Variants in TRAPPC9 observed in about 807,000 individuals in gnomAD.
TRAPPC9 encodes the protein trafficking protein particle complex subunit 9.
Under a neutral mutation model 124.0 loss-of-function variants are expected in TRAPPC9, and 83 were observed. The observed-to-expected ratio is 0.67, with a 90% confidence interval of 0.56 to 0.80. TRAPPC9 has a LOEUF of 0.80. Among genes scored for constraint, TRAPPC9 ranks in the 30% least tolerant of loss-of-function variants. The probability of loss-of-function intolerance (pLI) is 0.00; values close to 1 mark genes in which losing one functional copy is unlikely to be tolerated. For synonymous variants in TRAPPC9, 638 were observed against 617.5 expected (o/e 1.03, Z -0.49); for missense variants, 1,302 against 1,508.3 (o/e 0.86, Z 2.27).
chr8:140,431,904 C>A (rs1461100612), intron 4 of TRAPPC9, among the ~76,000 whole-genome samples: 1 of 152,230 alleles, frequency 6.6e-6, no homozygotes, highest in African/African-American at 2.4e-5. Flanking sequence ...TTTTATAAAT[C>A]ATGGCTGACT....
At chr8:140,370,000 C>G (rs2068231140) in intron 8 of TRAPPC9, among the ~76,000 whole-genome samples, 1 of 151,922 alleles carries the variant, frequency 6.6e-6, no homozygotes, top group Non-Finnish European at 1.5e-5. Context: ...CCATTTTTGC[C>G]CTGGTGGGAA....
intron 21 of TRAPPC9, among the ~76,000 whole-genome samples, chr8:139,754,580 C>T (rs2130254129): frequency 6.6e-6 from 1 of 152,308 alleles, no homozygotes; most frequent in Middle Eastern, 3.4e-3. Context: ...CCTCACCTCA[C>T]CCAAACTCGG....
rs146282846 is a variant in TRAPPC9, at chr8:139,825,223, C to T, written c.3055+60656G>A. Among the ~76,000 whole-genome samples the T allele has an allele frequency of 0.011, 1,667 of 152,282 alleles. 34 individuals carry two copies. The highest frequency in any genetic ancestry group is 0.038 in the African/African-American group (1,567 of 41,550). ...AGCTAGAGCCCAACAGGGCAGCCCA[C>T]GCAGGGTGGGCAGAGAAACGGCTCC... On this transcript the variant is annotated intron_variant, in intron 21 of 22. Coordinates refer to ENST00000438773, the MANE Select transcript of TRAPPC9 (RefSeq NM_001160372.4). This position sits in a 1 kb window ranked among gnomAD's most constrained non-coding sequence, Gnocchi z 4.6.
intron 8 of TRAPPC9, among the ~76,000 whole-genome samples, chr8:140,369,272 G>T (rs561208885): frequency 6.6e-6 from 1 of 152,298 alleles, no homozygotes; most frequent in African/African-American, 2.4e-5. Flanking sequence ...CCACAGACAC[G>T]TAAGTTAGAA....
At position 139,910,290 on chromosome 8, in the gene TRAPPC9, G is replaced by C; in HGVS notation, c.2821C>G (p.Gln941Glu). ...HAGECQRMAI[Q>E]VDKFNFESFP... ...CTCTCAAAGTTGAACTTGTCCACTTGAATAGCCATTCTACGAGAAAGGGGA... is the reference window on the plus strand; with the variant it reads ...CTCTCAAAGTTGAACTTGTCCACTTCAATAGCCATTCTACGAGAAAGGGGA... The change falls in exon 20 of 23, where the codon CAA becomes GAA. Residue 941 changes from glutamine (Q) to glutamate (E), a missense_variant. By Grantham distance (29) the Gln-to-Glu change is conservative. Around this residue, in one of 3 missense-constraint regions of TRAPPC9, gnomAD observed 640 missense variants for 679.3 expected, o/e 0.94. Transcript: ENST00000438773. 6.2e-7 allele frequency: 1 copy of C among 1,614,188 alleles called. No individual in the cohort carries two copies. Among genetic ancestry groups the C allele is most frequent in the Non-Finnish European group, 8.5e-7 (1 of 1,180,046 alleles).
intron 17 of TRAPPC9, among the ~76,000 whole-genome samples, chr8:140,055,878 C>T (rs573421540): frequency 3.3e-5 from 5 of 151,950 alleles, no homozygotes; most frequent in Non-Finnish European, 5.9e-5. Flanking sequence ...AAGGACATCT[C>T]GTATTCATAG....
intron 18 of TRAPPC9, among the ~76,000 whole-genome samples, chr8:140,006,608 A>C (rs773446955): frequency 6.6e-6 from 1 of 152,260 alleles, no homozygotes. Context: ...CCAAATGTCC[A>C]TCAACTAATG....
chr8:139,869,757 G>A (rs1033528920), intron 21 of TRAPPC9, among the ~76,000 whole-genome samples: 2 of 151,948 alleles, frequency 1.3e-5, no homozygotes, highest in East Asian at 3.9e-4. Flanking sequence ...AATAACAAAA[G>A]AAGAAAACAA....
chr8:140,329,810 G>C (rs2066848551), intron 9 of TRAPPC9, among the ~76,000 whole-genome samples: 1 of 152,084 alleles, frequency 6.6e-6, no homozygotes, highest in Non-Finnish European at 1.5e-5. Flanking sequence ...GCCAGGCATG[G>C]TGGCTCACAC....
At chr8:140,100,532 C>G (rs2060558649) in intron 17 of TRAPPC9, 1 of 152,322 alleles carries the variant, frequency 6.6e-6, no homozygotes, top group Non-Finnish European at 1.5e-5. Flanking sequence ...TTCCATGTAC[C>G]GCTGCGGCTC....
intron 20 of TRAPPC9, 93 bp downstream of exon 20, chr8:139,910,054 A>C: frequency 6.8e-7 from 1 of 1,465,134 alleles, no homozygotes; most frequent in Non-Finnish European, 9.3e-7. Flanking sequence ...TGTGGTGAAA[A>C]TTCAATAGCT....
chr8:139,768,587 G>C (rs1175345469), intron 21 of TRAPPC9, among the ~76,000 whole-genome samples: 1 of 152,218 alleles, frequency 6.6e-6, no homozygotes, highest in African/African-American at 2.4e-5. Flanking sequence ...TCTGGTAATA[G>C]TCCATTTCTT....
At position 140,371,055 on chromosome 8, in the gene TRAPPC9, G is replaced by T. The variant is rs753318127; in HGVS notation, c.1260C>A (p.Ile420=). 6.2e-7 allele frequency: 1 copy of T among 1,614,126 alleles called. No individual in the cohort carries two copies. Among genetic ancestry groups the T allele is most frequent in the African/African-American group, 1.3e-5 (1 of 74,958 alleles). Residue 420 remains isoleucine (I), a synonymous_variant, in exon 8 of 23, where the codon ATC becomes ATA. Coordinates refer to ENST00000438773, the MANE Select transcript of TRAPPC9 (RefSeq NM_001160372.4). Reference sequence around the variant, plus strand: ...AGCAGGCCCTCCACCCAGGCTCCGCGATGCTTGGGGCCACGCACTGCATGG... The same window carrying T: ...AGCAGGCCCTCCACCCAGGCTCCGCTATGCTTGGGGCCACGCACTGCATGG... The part of the protein sequence containing the change: ...VAAMQCVAPS[I]AEPGWRACYK...
chr8:140,219,356 G>A (rs992206240), intron 17 of TRAPPC9, among the ~76,000 whole-genome samples: 5 of 152,164 alleles, frequency 3.3e-5, no homozygotes, highest in Admixed American at 6.5e-5. Flanking sequence ...GTCGATAGCC[G>A]CTTGAACGTT....
At chr8:140,177,705 T>A (rs1251006888) in intron 17 of TRAPPC9, among the ~76,000 whole-genome samples, 2 of 152,152 alleles carry the variant, frequency 1.3e-5, no homozygotes, top group Non-Finnish European at 2.9e-5. Context: ...ATTTTTAATA[T>A]GAGGTATTAC....
Position 139,979,418 on chromosome 8 carries a change from C to T in TRAPPC9, c.2810+9308G>A, listed in dbSNP as rs67518310. Reference sequence around the variant, plus strand: ...TGGAGGACCAAGGTGGTGGGAAGGGCGGACACGAACGGACACGGGTGCTGC... The same window carrying T: ...TGGAGGACCAAGGTGGTGGGAAGGGTGGACACGAACGGACACGGGTGCTGC... On this transcript the variant is annotated intron_variant, in intron 19 of 22. Coordinates refer to ENST00000438773, the MANE Select transcript of TRAPPC9 (RefSeq NM_001160372.4). Among the ~76,000 whole-genome samples, 27 of 152,180 alleles carry T rather than the reference C, an allele frequency of 1.8e-4. No individual in the cohort carries two copies. The East Asian group carries it at 2.9e-3, about 16-fold the overall frequency.
intron 18 of TRAPPC9, among the ~76,000 whole-genome samples, chr8:140,014,894 G>A (rs1839365432): frequency 6.6e-6 from 1 of 152,210 alleles, no homozygotes; most frequent in Non-Finnish European, 1.5e-5. Context: ...GAGTCTAGCA[G>A]GCCGTGAATA....
intron 19 of TRAPPC9, among the ~76,000 whole-genome samples, chr8:139,922,229 T>C (rs999209783): frequency 6.6e-6 from 1 of 151,752 alleles, no homozygotes; most frequent in Non-Finnish European, 1.5e-5. Flanking sequence ...ACTAGGCTAG[T>C]ACAGTGGCAC....
At chr8:140,256,935 ACAC>A (rs1435603656) in intron 15 of TRAPPC9, among the ~76,000 whole-genome samples, 2 of 152,150 alleles carry the variant, frequency 1.3e-5, no homozygotes, top group Non-Finnish European at 2.9e-5. Flanking sequence ...TTTGGCAAGA[ACAC>A]CACCACCAAT....
Sources: gnomAD v4.1 joint callset for allele counts (sites outside exome capture counted in the v4.1 genomes callset) on GRCh38, gnomAD v4.1.1 for gene constraint, gnomAD v4.1.1 regional missense constraint, Gnocchi (gnomAD v3.1) non-coding constraint, MANE v1.5 for transcripts, NCBI Gene and HGNC (gene_info 2026-07-23, HGNC 2026-07-21) for gene names.